HERC1: variants seen among roughly 807,000 people sequenced by gnomAD.
HERC1 encodes probable E3 ubiquitin-protein ligase HERC1.
A neutral mutation model predicts 554.3 loss-of-function variants in HERC1; 160 were observed. The ratio of observed to expected loss-of-function variants is 0.29; its 90% CI spans 0.25 to 0.33. HERC1 has a LOEUF of 0.33. Ranked by LOEUF, HERC1 falls within the 10% of genes least tolerant of loss-of-function variation. The pLI is 1.00. For missense variants in HERC1, 4,919 were observed against 5,918.5 expected (o/e 0.83, Z 5.54); for synonymous variants, 2,175 against 2,131.7 (o/e 1.02, Z -0.56).
At chr15:63,830,892 A>C (rs2078129601) in intron 1 of HERC1, among the ~76,000 whole-genome samples, 2 of 152,228 alleles carry the variant, frequency 1.3e-5, no homozygotes, top group Admixed American at 1.3e-4. Flanking sequence ...TCTGGCATCT[A>C]GTAAGTAAAC....
chr15:63,685,861 A>T (rs1460366655), intron 34 of HERC1, among the ~76,000 whole-genome samples: 2 of 152,216 alleles, frequency 1.3e-5, no homozygotes, highest in Non-Finnish European at 2.9e-5. Flanking sequence ...TATAAATTTT[A>T]CCTAACTGAT....
At position 63,694,636 on chromosome 15, in the gene HERC1, A is replaced by T; in HGVS notation, c.5243-87T>A. On this transcript the variant is annotated intron_variant, in intron 28 of 77. Transcript: ENST00000443617. This position sits in a 1 kb window ranked among gnomAD's most constrained non-coding sequence, Gnocchi z 4.3. The stretch of plus-strand genomic sequence containing the variant: ...AATAATTTTCTAAAATATTAATAAC[A>T]TGAAACACTAAATTATTTATTCTTT... 1.4e-6 allele frequency: 2 copies of T among 1,425,786 alleles called. No homozygotes were observed. Among genetic ancestry groups the T allele is most frequent in the Non-Finnish European group, 1.9e-6 (2 of 1,027,768 alleles). The allele number at this position is 1,425,786 out of a possible 1,614,324, so 88.3% of individuals were successfully genotyped here.
At chr15:63,726,916 T>C (rs1285477564) in intron 17 of HERC1, among the ~76,000 whole-genome samples, 3 of 151,812 alleles carry the variant, frequency 2.0e-5, no homozygotes, top group Non-Finnish European at 4.4e-5. Context: ...TAAACATAGA[T>C]GAAAAAATAA....
At chr15:63,672,719 A>G (rs1357475881) in intron 38 of HERC1, 25 bp from the exon 39 acceptor site, 1 of 1,518,112 alleles carries the variant, frequency 6.6e-7, no homozygotes, top group Non-Finnish European at 8.9e-7. Context: ...AAAGGTTAAG[A>G]AAGTAGTAAG....
Position 63,749,373 on chromosome 15 carries a change from C to T in HERC1, c.2213G>A (p.Arg738Lys). 6.2e-7 allele frequency: 1 copy of T among 1,604,262 alleles called. No individual in the cohort carries two copies. The highest frequency in any genetic ancestry group is 8.5e-7 in the Non-Finnish European group (1 of 1,176,742). Reference protein sequence around the residue: ...SHSLAWTALPRDRQVVAWHRP... With the variant: ...SHSLAWTALPKDRQVVAWHRP... The stretch of plus-strand genomic sequence containing the variant: ...TAAACATAGGCACTCTTACCTGTCC[C>T]TAGGAAGAGCAGTCCATGCCAGACT... The change falls in exon 10 of 78, where the codon AGG (arginine) becomes AAG (lysine). Residue 738 changes from arginine to lysine, a missense_variant. Transcript: ENST00000443617. This position sits in a 1 kb window ranked among gnomAD's most constrained non-coding sequence, Gnocchi z 4.1.
intron 53 of HERC1, 117 bp downstream of exon 53, chr15:63,651,136 G>T: frequency 2.3e-6 from 2 of 868,398 alleles, no homozygotes; most frequent in African/African-American, 1.7e-5. Context: ...TTTCAGAGTT[G>T]TTGGAAGGCT....
Position 63,784,366 on chromosome 15 carries a change from ACT to A in HERC1, c.-26-8719_-26-8718del, listed in dbSNP as rs554818922. 1.3e-3 allele frequency among the ~76,000 whole-genome samples: 197 copies of A among 152,294 alleles called. 1 individual carries two copies. Among genetic ancestry groups the A allele is most frequent in the African/African-American group, 4.4e-3 (184 of 41,580 alleles). On this transcript the variant is annotated intron_variant, in intron 1 of 77. Coordinates refer to ENST00000443617, the MANE Select transcript of HERC1 (RefSeq NM_003922.4). ...TAAAATGGAGCAATCTCCAAGATAC[ACT>A]GTTAAAAAAGAAAAATATGTAAAGT...
At chr15:63,830,803 C>T (rs1194126925) in intron 1 of HERC1, among the ~76,000 whole-genome samples, 1 of 152,166 alleles carries the variant, frequency 6.6e-6, no homozygotes, top group Non-Finnish European at 1.5e-5. Context: ...TCAAGGATCT[C>T]ATCTGAAATT....
intron 54 of HERC1, among the ~76,000 whole-genome samples, chr15:63,649,081 A>G (rs770003793): frequency 9.8e-5 from 15 of 152,302 alleles, no homozygotes; most frequent in South Asian, 2.1e-4. Flanking sequence ...TCGGCCAGGC[A>G]CGGTGGCTCA....
chr15:63,651,325 C>T lies in HERC1; in HGVS notation c.10474G>A (p.Val3492Ile). 6.2e-7 allele frequency: 1 copy of T among 1,613,880 alleles called. No individual in the cohort carries two copies. The highest frequency in any genetic ancestry group is 8.5e-7 in the Non-Finnish European group (1 of 1,179,772). The stretch of plus-strand genomic sequence containing the variant: ...TATTTGCCACTGATACTCCAGGAAA[C>T]TGGTGAGAAACTTGGATCACTGGGT... ...GSPSDPSFSPVSWSISGKYLA... is the reference protein window; with the variant it reads ...GSPSDPSFSPISWSISGKYLA... Residue 3492 changes from valine (V) to isoleucine (I), a missense_variant, in exon 53 of 78, where the codon GTT (valine) becomes ATT (isoleucine). Val to Ile is a conservative substitution (Grantham distance 29). Around this residue, in one of 11 missense-constraint regions of HERC1, gnomAD observed 1,963 missense variants for 2,228.6 expected, o/e 0.88. Coordinates refer to ENST00000443617, the MANE Select transcript of HERC1 (RefSeq NM_003922.4).
At chr15:63,831,793 T>G (rs998585556) in intron 1 of HERC1, among the ~76,000 whole-genome samples, 2 of 152,212 alleles carry the variant, frequency 1.3e-5, no homozygotes, top group South Asian at 4.1e-4. Context: ...TCTCCAAAAT[T>G]TCTTTAAATT....
chr15:63,734,956 A>G lies in HERC1; in HGVS notation c.2521-107T>C. On this transcript the variant is annotated intron_variant, in intron 12 of 77. Coordinates refer to ENST00000443617, the MANE Select transcript of HERC1 (RefSeq NM_003922.4). This position sits in a 1 kb window ranked among gnomAD's most constrained non-coding sequence, Gnocchi z 4.6. ...TACTAGGATCATGTAAGTCTAAAAA[A>G]GATGGCATGATAAAAAAGAAAGCAT... 1 of 913,252 alleles carries G rather than the reference A, an allele frequency of 1.1e-6. No homozygotes were observed. Among genetic ancestry groups the G allele is most frequent in the South Asian group, 1.8e-5 (1 of 56,964 alleles). 56.6% of individuals were successfully genotyped at this position (913,252 alleles called of 1,614,324 possible).
At chr15:63,667,623 A>T (rs911125299) in intron 40 of HERC1, among the ~76,000 whole-genome samples, 1 of 152,242 alleles carries the variant, frequency 6.6e-6, no homozygotes, top group Non-Finnish European at 1.5e-5. Flanking sequence ...AGTATAAATG[A>T]TGAGAAAAGG....
intron 40 of HERC1, among the ~76,000 whole-genome samples, chr15:63,666,953 G>T (rs993223056): frequency 1.3e-5 from 2 of 152,076 alleles, no homozygotes; most frequent in African/African-American, 4.8e-5. Context: ...TACATTCTTC[G>T]CATTTTTATG....
At position 63,746,826 on chromosome 15, in the gene HERC1, A is replaced by G. The variant is rs1259581657; in HGVS notation, c.2520+92T>C. The G allele has an allele frequency of 2.9e-5, 31 of 1,085,394 alleles. 1 individual carries two copies. Among genetic ancestry groups the G allele is most frequent in the Middle Eastern group, 2.6e-4 (1 of 3,886 alleles). 67.2% of individuals were successfully genotyped at this position (1,085,394 alleles called of 1,614,324 possible). ...GTAAGGGAAACAACATCCAATTGAA[A>G]TTGTCCAATGTACAGTTGAATATAT... On this transcript the variant is annotated intron_variant, in intron 12 of 77. Transcript: ENST00000443617.
At chr15:63,699,194 A>T (rs539119723) in intron 25 of HERC1, among the ~76,000 whole-genome samples, 198 bp from the exon 26 acceptor site, 2 of 152,326 alleles carry the variant, frequency 1.3e-5, no homozygotes, top group Non-Finnish European at 2.9e-5. Context: ...AGAGCAATGT[A>T]AGAAAATAAA....
intron 1 of HERC1, among the ~76,000 whole-genome samples, chr15:63,777,332 A>T (rs1319213270): frequency 6.6e-6 from 1 of 152,220 alleles, no homozygotes; most frequent in Non-Finnish European, 1.5e-5. Context: ...GAAAATCATG[A>T]TCCTCCATCC....
intron 70 of HERC1, among the ~76,000 whole-genome samples, chr15:63,628,308 T>A (rs1206688908): frequency 2.0e-5 from 3 of 152,186 alleles, no homozygotes; most frequent in African/African-American, 7.2e-5. Context: ...AGCAGTCATT[T>A]GAACCTGGGA....
At chr15:63,731,177 T>C (rs953540839) in intron 14 of HERC1, among the ~76,000 whole-genome samples, 6 of 152,194 alleles carry the variant, frequency 3.9e-5, no homozygotes, top group Admixed American at 1.3e-4. Context: ...TTTTTAGATG[T>C]TTCTGTTATT....
Sources: gnomAD v4.1 joint callset for allele counts (sites outside exome capture counted in the v4.1 genomes callset) on GRCh38, gnomAD v4.1.1 for gene constraint, gnomAD v4.1.1 regional missense constraint, Gnocchi (gnomAD v3.1) non-coding constraint, MANE v1.5 for transcripts, NCBI Gene and HGNC (gene_info 2026-07-23, HGNC 2026-07-21) for gene names.